The following RABGAP1L variants were observed in gnomAD, a reference collection of about 807,000 sequenced individuals.
RABGAP1L encodes the protein rab GTPase-activating protein 1-like.
In RABGAP1L, 63 loss-of-function variants were observed where a neutral mutation model predicts 137.7. That is an observed-to-expected ratio of 0.46 (90% CI 0.37 to 0.56). RABGAP1L has a LOEUF of 0.56. RABGAP1L is among the 20% of genes least tolerant of loss of function. The pLI is 0.00. For synonymous variants in RABGAP1L, 431 were observed against 433.7 expected, an observed-to-expected ratio of 0.99 and a Z score of 0.08; for missense variants, 1,095 against 1,244.0, an observed-to-expected ratio of 0.88 and a Z score of 1.80.
chr1:174,978,879 G>C lies in RABGAP1L; in HGVS notation c.2722G>C (p.Glu908Gln). Residue 908 changes from glutamate to glutamine, a missense_variant, in exon 23 of 26, where the codon GAG becomes CAG. By Grantham distance (29) the Glu-to-Gln change is conservative. Coordinates refer to ENST00000681986, the MANE Select transcript of RABGAP1L (RefSeq NM_001366446.1). ...EIKKTTAIIA[E>Q]YKQICSQLST... is the part of the protein sequence containing the mutation. ...AAAGAAGACTACAGCTATCATTGCT[G>C]AGTATAAACAGGTAATGTACTTCTG... is the stretch of plus-strand genomic sequence containing the variant. The C allele has an allele frequency of 1.3e-6, 2 of 1,536,308 alleles. No individual in the cohort carries two copies. The highest frequency in any genetic ancestry group is 1.8e-6 in the Non-Finnish European group (2 of 1,141,730).
chr1:174,639,284 A>G (rs1054000641), intron 14 of RABGAP1L, among the ~76,000 whole-genome samples: 2 of 152,142 alleles, frequency 1.3e-5, no homozygotes, highest in Admixed American at 6.6e-5. Flanking sequence ...CTAGAAATAT[A>G]TAACTTATAA....
At chr1:174,747,185 T>C (rs1683938359) in intron 17 of RABGAP1L, among the ~76,000 whole-genome samples, 1 of 152,060 alleles carries the variant, frequency 6.6e-6, no homozygotes, top group Non-Finnish European at 1.5e-5. Context: ...GAAGGATCAC[T>C]TGAGCCCAGG....
intron 4 of RABGAP1L, among the ~76,000 whole-genome samples, chr1:174,232,580 G>A (rs1428913399): frequency 2.6e-5 from 4 of 151,594 alleles, no homozygotes; most frequent in African/African-American, 7.3e-5. Context: ...TCAGGAGATC[G>A]AGACCATCCT....
At chr1:174,194,638 T>A (rs1284411472) in intron 1 of RABGAP1L, among the ~76,000 whole-genome samples, 1 of 152,168 alleles carries the variant, frequency 6.6e-6, no homozygotes, top group African/African-American at 2.4e-5. Flanking sequence ...CCAGGAAAAG[T>A]GCTAAGATTG....
chr1:174,699,089 G>A (rs1444891990), intron 15 of RABGAP1L, among the ~76,000 whole-genome samples: 2 of 151,802 alleles, frequency 1.3e-5, no homozygotes, highest in Non-Finnish European at 2.9e-5. Context: ...CACCTCCCAG[G>A]CTCAAGCGAT....
At chr1:174,318,270 A>C (rs572710708) in intron 11 of RABGAP1L, among the ~76,000 whole-genome samples, 2 of 152,162 alleles carry the variant, frequency 1.3e-5, no homozygotes, top group South Asian at 4.2e-4. Flanking sequence ...TTGAACTTAA[A>C]GTCTGTGTTG....
intron 1 of RABGAP1L, among the ~76,000 whole-genome samples, chr1:174,177,254 T>C (rs1665960419): frequency 1.3e-5 from 2 of 152,234 alleles, no homozygotes; most frequent in South Asian, 2.1e-4. Context: ...TTTTTTCTTA[T>C]GTTTGTTGGC....
intron 8 of RABGAP1L, among the ~76,000 whole-genome samples, chr1:174,275,480 A>C (rs987210922): frequency 2.0e-5 from 3 of 152,176 alleles, no homozygotes; most frequent in East Asian, 1.9e-4. Context: ...GTTTTAATAG[A>C]AACCATATAC....
intron 11 of RABGAP1L, among the ~76,000 whole-genome samples, chr1:174,336,464 A>G (rs1468882408): frequency 6.6e-6 from 1 of 152,224 alleles, no homozygotes; most frequent in Admixed American, 6.5e-5. Flanking sequence ...ACTAGAGGAT[A>G]TAGAAAAGAA....
intron 14 of RABGAP1L, among the ~76,000 whole-genome samples, chr1:174,646,135 G>A (rs1341079291): frequency 6.6e-6 from 1 of 152,044 alleles, no homozygotes; most frequent in African/African-American, 2.4e-5. Flanking sequence ...TGGATAGATT[G>A]CAAAAATTTT....
intron 13 of RABGAP1L, among the ~76,000 whole-genome samples, chr1:174,477,421 T>G (rs922136294): frequency 6.6e-6 from 1 of 152,194 alleles, no homozygotes; most frequent in Non-Finnish European, 1.5e-5. Context: ...AGCAATCAAG[T>G]AAGCATTGAA....
intron 11 of RABGAP1L, among the ~76,000 whole-genome samples, chr1:174,348,948 T>A (rs1359466941): frequency 6.6e-6 from 1 of 152,048 alleles, no homozygotes; most frequent in Non-Finnish European, 1.5e-5. Context: ...ATTGTCATCC[T>A]GGCCCGTTCT....
intron 19 of RABGAP1L, among the ~76,000 whole-genome samples, chr1:174,925,542 G>A (rs1227327388): frequency 1.3e-5 from 2 of 151,998 alleles, no homozygotes. Context: ...CCAGGTAGGG[G>A]AGGGCTTTGT....
At chr1:174,903,782 C>G (rs1333561309) in intron 19 of RABGAP1L, among the ~76,000 whole-genome samples, 3 of 151,884 alleles carry the variant, frequency 2.0e-5, no homozygotes, top group Non-Finnish European at 2.9e-5. Flanking sequence ...GAAACATCAT[C>G]CCTACTAAAA....
intron 13 of RABGAP1L, among the ~76,000 whole-genome samples, chr1:174,542,949 G>A (rs182385559): frequency 1.0e-3 from 156 of 152,264 alleles, no homozygotes; most frequent in African/African-American, 3.4e-3. Context: ...TTGCACTGTG[G>A]TCTGGGAGAC....
chr1:174,582,873 G>A (rs952095386), intron 13 of RABGAP1L, among the ~76,000 whole-genome samples: 1 of 152,096 alleles, frequency 6.6e-6, no homozygotes, highest in Non-Finnish European at 1.5e-5. Context: ...TCATTGTTTA[G>A]AAATCACATG....
intron 3 of RABGAP1L, among the ~76,000 whole-genome samples, chr1:174,222,175 A>G (rs921435151): frequency 6.6e-6 from 1 of 152,090 alleles, no homozygotes; most frequent in African/African-American, 2.4e-5. Flanking sequence ...TTTTACTCTG[A>G]TTGGACCAGT....
At chr1:174,695,213 ACCT>A (rs1173145828) in intron 15 of RABGAP1L, among the ~76,000 whole-genome samples, 3 of 151,492 alleles carry the variant, frequency 2.0e-5, no homozygotes, top group Non-Finnish European at 4.4e-5. Flanking sequence ...CTCTTCCCCT[ACCT>A]CCTCTTTACG....
At chr1:174,459,293 G>T (rs1656402344) in intron 13 of RABGAP1L, among the ~76,000 whole-genome samples, 3 of 152,014 alleles carry the variant, frequency 2.0e-5, no homozygotes, top group Admixed American at 2.0e-4. Context: ...AATCCATTGG[G>T]AAGTTTTGGT....
Sources: gnomAD v4.1 joint callset for allele counts (sites outside exome capture counted in the v4.1 genomes callset) on GRCh38, gnomAD v4.1.1 for gene constraint, MANE v1.5 for transcripts, NCBI Gene and HGNC (gene_info 2026-07-23, HGNC 2026-07-21) for gene names.